The following PPP1R12B variants were observed in gnomAD, a reference collection of about 807,000 sequenced individuals.
The protein encoded by PPP1R12B is protein phosphatase 1 regulatory subunit 12B, also known as myosin phosphatase target subunit 2.
A neutral mutation model predicts 126.1 loss-of-function variants in PPP1R12B; 76 were observed. The ratio of observed to expected loss-of-function variants is 0.60; its 90% confidence interval spans 0.50 to 0.73. The LOEUF is 0.73. PPP1R12B is among the 30% of genes least tolerant of loss of function. The probability of loss-of-function intolerance (pLI) is 0.00; values close to 1 mark genes in which losing one functional copy is unlikely to be tolerated. For synonymous variants in PPP1R12B, 356 were observed against 434.7 expected, an observed-to-expected ratio of 0.82 and a Z score of 2.25; for missense variants, 1,052 against 1,205.1, an observed-to-expected ratio of 0.87 and a Z score of 1.88.
rs567725360 is a variant in PPP1R12B at position 202,448,927 on chromosome 1, A to G, written c.1668-62A>G. 1.5e-5 allele frequency: 22 copies of G among 1,510,892 alleles called. No homozygotes were observed. The African/African-American group carries it at 2.6e-4, about 18-fold the overall frequency. The allele number at this position is 1,510,892 out of a possible 1,614,324, so 93.6% of individuals were successfully genotyped here. On this transcript the variant is annotated intron_variant, in intron 12 of 23. Coordinates refer to ENST00000608999, the MANE Select transcript of PPP1R12B (RefSeq NM_002481.4). ...TCTTTAATCCTTCTGTCTCTGTGCC[A>G]GTGCTTTGTTGTATAGCATGCCTAA...
At position 202,348,810 on chromosome 1, in the gene PPP1R12B, T is replaced by G. The variant is rs775858711; in HGVS notation, c.-42T>G. On this transcript the variant is annotated 5_prime_UTR_variant, in exon 1 of 24. It adds an upstream start codon to the 5' untranslated region. Transcript: ENST00000608999. The stretch of plus-strand genomic sequence containing the variant: ...CGGCAACTCGAGCCCCAACAGTAAT[T>G]TAGTGTTGGTAGTTTTGGCAGCAGC... 8 of 1,578,264 alleles carry G rather than the reference T, an allele frequency of 5.1e-6. No individual in the cohort carries two copies. The South Asian group carries it at 9.4e-5, about 19-fold the overall frequency.
intron 13 of PPP1R12B, among the ~76,000 whole-genome samples, chr1:202,480,637 T>C (rs1340276700): frequency 6.6e-6 from 1 of 152,212 alleles, no homozygotes; most frequent in East Asian, 1.9e-4. Flanking sequence ...GTAATATTAT[T>C]GACAGCTTCC....
chr1:202,462,099 A>G (rs1482804356), intron 13 of PPP1R12B, among the ~76,000 whole-genome samples: 1 of 152,198 alleles, frequency 6.6e-6, no homozygotes, highest in African/African-American at 2.4e-5. Context: ...AAAATCGGTT[A>G]TAGTGACGAT....
At chr1:202,380,848 A>G (rs1000032005) in intron 1 of PPP1R12B, among the ~76,000 whole-genome samples, 1 of 152,208 alleles carries the variant, frequency 6.6e-6, no homozygotes, top group African/African-American at 2.4e-5. Context: ...TAAAATCTCA[A>G]GTATCTATAG....
chr1:202,399,114 C>A (rs1665428433), intron 1 of PPP1R12B, among the ~76,000 whole-genome samples: 4 of 152,108 alleles, frequency 2.6e-5, no homozygotes, highest in Admixed American at 1.3e-4. Context: ...CCTCTGGATG[C>A]TTACTGGATA....
At chr1:202,490,982 G>A (rs1183305420) in intron 14 of PPP1R12B, among the ~76,000 whole-genome samples, 7 of 152,178 alleles carry the variant, frequency 4.6e-5, no homozygotes, top group Admixed American at 3.9e-4. Flanking sequence ...ACTGAGAAAT[G>A]GAATTTGCTG....
At chr1:202,426,192 A>C (rs1259491057) in intron 4 of PPP1R12B, among the ~76,000 whole-genome samples, 1 of 152,050 alleles carries the variant, frequency 6.6e-6, no homozygotes, top group Non-Finnish European at 1.5e-5. Flanking sequence ...TGTCTGTTCC[A>C]TTTTTCCTTA....
chr1:202,548,364 TG>T lies in PPP1R12B; in HGVS notation c.2491-10512del, dbSNP rs758215285. Among the ~76,000 whole-genome samples, 6 of 152,158 alleles carry T rather than the reference TG, an allele frequency of 3.9e-5. No individual in the cohort carries two copies. In the South Asian group the frequency reaches 6.2e-4, roughly 16 times the overall value. ...AAAGTCAGAATGTTTTGTTTTGTTT[TG>T]TTTTGTTTTTTTTGAGACAGGATCT... On this transcript the variant is annotated intron_variant, in intron 18 of 23. Coordinates refer to ENST00000608999, the MANE Select transcript of PPP1R12B (RefSeq NM_002481.4).
chr1:202,457,846 A>G (rs979799204), intron 13 of PPP1R12B, among the ~76,000 whole-genome samples: 1 of 152,216 alleles, frequency 6.6e-6, no homozygotes, highest in African/African-American at 2.4e-5. Context: ...GAGAAATTCA[A>G]GAAACAAACA....
intron 1 of PPP1R12B, among the ~76,000 whole-genome samples, chr1:202,372,587 A>G (rs1442117733): frequency 1.3e-5 from 2 of 152,026 alleles, no homozygotes; most frequent in Non-Finnish European, 2.9e-5. Flanking sequence ...TGGGCAACAT[A>G]GAGAAACCCC....
chr1:202,455,470 A>C (rs766900051), intron 13 of PPP1R12B, among the ~76,000 whole-genome samples: 1 of 152,190 alleles, frequency 6.6e-6, no homozygotes, highest in Non-Finnish European at 1.5e-5. Flanking sequence ...ATAAAAATAC[A>C]ATCTTTTGTG....
At position 202,422,626 on chromosome 1, in the gene PPP1R12B, C is replaced by T; in HGVS notation, c.429C>T (p.Phe143=). The part of the protein sequence containing the change: ...SCGYLNIAEY[F]INHGASVGIV... ...CTGGATCTTGTCTACGCAGGTATTT[C>T]ATTAATCACGGAGCCAGTGTAGGTA... The change falls in exon 3 of 24, where the codon TTC becomes TTT. Residue 143 remains phenylalanine, a synonymous_variant. Transcript: ENST00000608999. 6.2e-7 allele frequency: 1 copy of T among 1,613,464 alleles called. No homozygotes were observed. Among genetic ancestry groups the T allele is most frequent in the African/African-American group, 1.3e-5 (1 of 75,002 alleles).
chr1:202,414,344 G>A (rs986623921), intron 1 of PPP1R12B, among the ~76,000 whole-genome samples: 3 of 152,346 alleles, frequency 2.0e-5, no homozygotes, highest in East Asian at 1.9e-4. Context: ...ACATTAAAAC[G>A]CATTAGTCTA....
intron 4 of PPP1R12B, among the ~76,000 whole-genome samples, chr1:202,426,046 C>G (rs1669456629): frequency 6.6e-6 from 1 of 152,166 alleles, no homozygotes; most frequent in Non-Finnish European, 1.5e-5. Context: ...ACCTGTAATA[C>G]TTGTGATCAT....
At chr1:202,507,824 GT>G (rs1680989808) in intron 18 of PPP1R12B, among the ~76,000 whole-genome samples, 1 of 152,206 alleles carries the variant, frequency 6.6e-6, no homozygotes, top group East Asian at 1.9e-4. Context: ...GGTTACAGAA[GT>G]ATTCATTTCT....
In PPP1R12B at chr1:202,562,860, G is replaced by GAGGCCCGGC; in HGVS notation, c.2597_2598insGCAGGCCCG (p.Arg866_Leu867insGlnAlaArg). On this transcript the variant is annotated inframe_insertion, in exon 20 of 24. Transcript: ENST00000608999. ...AGCAAGAGCCCGTCGGGAGGCCCGG[G>GAGGCCCGGC]AGGCCCGCCTAGCCACCCTGACCAG... The GAGGCCCGGC allele has an allele frequency of 1.2e-6, 2 of 1,613,132 alleles. No individual in the cohort carries two copies. Among genetic ancestry groups the GAGGCCCGGC allele is most frequent in the Non-Finnish European group, 1.7e-6 (2 of 1,179,722 alleles).
chr1:202,473,716 C>A (rs952865577), intron 13 of PPP1R12B, among the ~76,000 whole-genome samples: 17 of 152,210 alleles, frequency 1.1e-4, no homozygotes, highest in African/African-American at 3.9e-4. Context: ...AAGATTTTGC[C>A]TTCTTTCCCT....
chr1:202,520,946 T>C (rs930899704), intron 18 of PPP1R12B, among the ~76,000 whole-genome samples: 10 of 152,124 alleles, frequency 6.6e-5, no homozygotes, highest in African/African-American at 2.4e-4. Flanking sequence ...TGGGACCAGG[T>C]TTTTTTGCAA....
intron 13 of PPP1R12B, among the ~76,000 whole-genome samples, chr1:202,452,064 G>T (rs1673035724): frequency 1.3e-5 from 2 of 151,770 alleles, no homozygotes; most frequent in South Asian, 4.2e-4. Flanking sequence ...TCACATCCCA[G>T]ACGGGGCGGC....
Sources: allele counts gnomAD v4.1 joint callset (sites outside exome capture counted in the v4.1 genomes callset), GRCh38; gene constraint gnomAD v4.1.1; transcripts MANE v1.5; gene names NCBI Gene and HGNC (gene_info 2026-07-23, HGNC 2026-07-21).